CWC22: variants seen among roughly 807,000 people sequenced by gnomAD.
CWC22 encodes pre-mRNA-splicing factor CWC22 homolog.
In CWC22, 53 loss-of-function variants were observed where a neutral mutation model predicts 117.2. The observed-to-expected ratio is 0.45, with a 90% CI of 0.36 to 0.57. The LOEUF (loss-of-function observed/expected upper bound fraction) is 0.57, where lower values mean the gene tolerates loss of function less well. Ranked by LOEUF, CWC22 falls within the 20% of genes least tolerant of loss-of-function variation. The pLI is 0.00. For synonymous variants in CWC22, 360 were observed against 355.6 expected (o/e 1.01, Z -0.14); for missense variants, 980 against 1,068.8 (o/e 0.92, Z 1.16).
At chr2:179,972,155 T>G (rs909153293) in intron 8 of CWC22, among the ~76,000 whole-genome samples, 1 of 152,190 alleles carries the variant, frequency 6.6e-6, no homozygotes, top group Non-Finnish European at 1.5e-5. Context: ...TCTAAAAGAT[T>G]TGTAAGAGTG....
At chr2:179,993,727 T>C (rs904688332) in intron 1 of CWC22, among the ~76,000 whole-genome samples, 5 of 152,094 alleles carry the variant, frequency 3.3e-5, no homozygotes, top group Non-Finnish European at 7.4e-5. Context: ...GGATGTCCTA[T>C]AACTTTATTA....
At chr2:179,973,272 C>T in intron 7 of CWC22, 26 bp from the exon 8 acceptor site, 2 of 1,563,726 alleles carry the variant, frequency 1.3e-6, no homozygotes, top group Non-Finnish European at 1.7e-6. Flanking sequence ...GGAAAGTTAA[C>T]CTATAAACTA....
At chr2:179,995,567 C>T (rs953438169) in intron 1 of CWC22, among the ~76,000 whole-genome samples, 3 of 152,130 alleles carry the variant, frequency 2.0e-5, no homozygotes, top group Non-Finnish European at 4.4e-5. Context: ...CACTTCTGAA[C>T]AAATTTTTTA....
chr2:180,003,534 T>C (rs1486045232), intron 1 of CWC22, among the ~76,000 whole-genome samples: 1 of 152,184 alleles, frequency 6.6e-6, no homozygotes, highest in Non-Finnish European at 1.5e-5. Flanking sequence ...GTAAACCACA[T>C]TCTGGTTTAA....
Position 179,999,189 on chromosome 2 carries a change from C to T in CWC22, c.-113-5735G>A, listed in dbSNP as rs563391793. Among the ~76,000 whole-genome samples, 9 of 152,200 alleles carry T rather than the reference C, an allele frequency of 5.9e-5. No homozygotes were observed. The South Asian group carries it at 8.3e-4, about 14-fold the overall frequency. On this transcript the variant is annotated intron_variant, in intron 1 of 19. Coordinates refer to ENST00000410053, the MANE Select transcript of CWC22 (RefSeq NM_020943.3). ...CAGATTTATGCAGAATATGCCTGTT[C>T]GGAAATTCTGAGTTCAACATATGCA...
chr2:180,000,258 G>C (rs1687812450), intron 1 of CWC22, among the ~76,000 whole-genome samples: 1 of 152,130 alleles, frequency 6.6e-6, no homozygotes, highest in African/African-American at 2.4e-5. Flanking sequence ...AAATACTCCT[G>C]TCTCTTTCTA....
chr2:179,996,054 T>C (rs1032629354), intron 1 of CWC22, among the ~76,000 whole-genome samples: 1 of 152,254 alleles, frequency 6.6e-6, no homozygotes, highest in Non-Finnish European at 1.5e-5. Flanking sequence ...TTTGAACTGC[T>C]GCTCAAGAGA....
In CWC22 at chr2:179,954,646, C is replaced by T. The variant is rs553491340; in HGVS notation, c.1537-289G>A. On this transcript the variant is annotated intron_variant, in intron 15 of 19. Transcript: ENST00000410053. ...TCATGCTTTAATTGTGCTGCCTGAA[C>T]ATGTACTTGACTTTAGACACTGCTT... Among the ~76,000 whole-genome samples the T allele has an allele frequency of 9.9e-5, 15 of 152,084 alleles. 1 individual carries two copies. In the South Asian group the frequency reaches 2.9e-3, roughly 29 times the overall value.
chr2:180,003,346 C>T lies in CWC22; in HGVS notation c.-114+3521G>A, dbSNP rs150720087. Among the ~76,000 whole-genome samples, 3 of 152,312 alleles carry T rather than the reference C, an allele frequency of 2.0e-5. No individual in the cohort carries two copies. In the East Asian group the frequency reaches 5.8e-4, roughly 29 times the overall value. The stretch of plus-strand genomic sequence containing the variant: ...CTGAAGGTGCAGTTCTTTTAACTTA[C>T]AAAATCAACCCTAATTACTGAATAT... On this transcript the variant is annotated intron_variant, in intron 1 of 19. Coordinates refer to ENST00000410053, the MANE Select transcript of CWC22 (RefSeq NM_020943.3).
At chr2:179,980,691 C>T (rs1033787088) in intron 5 of CWC22, among the ~76,000 whole-genome samples, 1 of 152,084 alleles carries the variant, frequency 6.6e-6, no homozygotes, top group African/African-American at 2.4e-5. Context: ...TCAAGCTAAT[C>T]CTTGAAACAA....
intron 6 of CWC22, among the ~76,000 whole-genome samples, chr2:179,976,685 A>G (rs1687160061): frequency 6.6e-6 from 1 of 152,172 alleles, no homozygotes; most frequent in South Asian, 2.1e-4. Context: ...AAGAAATACA[A>G]ATTAAAACCA....
At chr2:179,980,438 G>A (rs1687257933) in intron 5 of CWC22, among the ~76,000 whole-genome samples, 1 of 120,044 alleles carries the variant, frequency 8.3e-6, no homozygotes, top group Admixed American at 9.3e-5. Context: ...TTTTTTTTGA[G>A]GCAGAGTCTC....
In CWC22 at chr2:179,971,049, G is replaced by A. The variant is rs1285818637; in HGVS notation, c.832C>T (p.Leu278Phe). The A allele has an allele frequency of 1.6e-5, 26 of 1,599,120 alleles. No homozygotes were observed. The highest frequency in any genetic ancestry group is 2.2e-5 in the Non-Finnish European group (26 of 1,171,854). ...GTTGGTCTTTCCAGGAGCAAAGTGA[G>A]CATCTCTAAGCATAATACTTCGTGT... is the stretch of plus-strand genomic sequence containing the variant. ...VAHEVLCLEM[L>F]TLLLERPTDD... The change falls in exon 9 of 20, where the codon CTC (leucine) becomes TTC (phenylalanine). Residue 278 changes from leucine (L) to phenylalanine (F), a missense_variant. Transcript: ENST00000410053.
At chr2:179,968,807 C>G (rs1416413167) in intron 11 of CWC22, among the ~76,000 whole-genome samples, 2 of 152,010 alleles carry the variant, frequency 1.3e-5, no homozygotes, top group Non-Finnish European at 2.9e-5. Context: ...ACCTCGTGAT[C>G]CGCCCACCTC....
At position 179,954,357 on chromosome 2, in the gene CWC22, G is replaced by T; in HGVS notation, c.1537C>A (p.Arg513=). 6.5e-7 allele frequency: 1 copy of T among 1,546,908 alleles called. No individual in the cohort carries two copies. Among genetic ancestry groups the T allele is most frequent in the Non-Finnish European group, 8.8e-7 (1 of 1,132,532 alleles). ...TACTCTTTCTTTAGCATGCAAAATC[G>T]CTAATAAATAAAAAATCAGTACCAT... ...YEKFFGLLAG[R]FCMLKKEYME... Residue 513 remains arginine, a splice_region_variant and synonymous_variant, in exon 16 of 20, where the codon CGA becomes AGA. Coordinates refer to ENST00000410053, the MANE Select transcript of CWC22 (RefSeq NM_020943.3).
chr2:179,966,902 G>T (rs571533091), intron 11 of CWC22, among the ~76,000 whole-genome samples: 1 of 152,262 alleles, frequency 6.6e-6, no homozygotes, highest in South Asian at 2.1e-4. Flanking sequence ...GACACATAAT[G>T]AAAGTTAGCA....
intron 14 of CWC22, among the ~76,000 whole-genome samples, chr2:179,958,450 A>G (rs1259931575): frequency 2.0e-5 from 3 of 152,100 alleles, no homozygotes; most frequent in Non-Finnish European, 4.4e-5. Flanking sequence ...CGTTAGTCAC[A>G]AGCTCGCCCA....
intron 13 of CWC22, among the ~76,000 whole-genome samples, chr2:179,960,153 A>G (rs1686710799): frequency 6.6e-6 from 1 of 152,066 alleles, no homozygotes. Flanking sequence ...AGTGTTAGCA[A>G]TATCTTTTCC....
chr2:179,973,809 A>G lies in CWC22; in HGVS notation c.582-7T>C. Reference sequence around the variant, plus strand: ...AGACCTGGACAGCAGTCCTCTGTTTAAAAAAGAATTTAAAAAGGAGTCAAC... The same window carrying G: ...AGACCTGGACAGCAGTCCTCTGTTTGAAAAAGAATTTAAAAAGGAGTCAAC... On this transcript the variant is annotated splice_region_variant and splice_polypyrimidine_tract_variant and intron_variant, in intron 6 of 19. Coordinates refer to ENST00000410053, the MANE Select transcript of CWC22 (RefSeq NM_020943.3). The G allele has an allele frequency of 6.7e-7, 1 of 1,502,872 alleles. No homozygotes were observed. The highest frequency in any genetic ancestry group is 8.9e-7 in the Non-Finnish European group (1 of 1,122,822). 93.1% of individuals were successfully genotyped at this position (1,502,872 alleles called of 1,614,324 possible).
Sources: allele counts gnomAD v4.1 joint callset (sites outside exome capture counted in the v4.1 genomes callset), GRCh38; gene constraint gnomAD v4.1.1; transcripts MANE v1.5; gene names NCBI Gene and HGNC (gene_info 2026-07-23, HGNC 2026-07-21).